LRRK2: variants seen among roughly 807,000 people sequenced by gnomAD.
LRRK2 encodes leucine rich repeat kinase 2.
LRRK2 carries 203 observed loss-of-function variants against 302.6 expected under a neutral mutation model. The ratio of observed to expected loss-of-function variants is 0.67; its 90% CI spans 0.60 to 0.75. The LOEUF is 0.75. LRRK2 is among the 30% of genes least tolerant of loss of function. LRRK2 has a pLI of 0.00. For synonymous variants in LRRK2, 1,066 were observed against 1,031.9 expected, an observed-to-expected ratio of 1.03 and a Z score of -0.63; for missense variants, 2,830 against 2,951.0, an observed-to-expected ratio of 0.96 and a Z score of 0.95.
At chr12:40,294,340 G>A (rs1944296496) in intron 21 of LRRK2, among the ~76,000 whole-genome samples, 1 of 151,968 alleles carries the variant, frequency 6.6e-6, no homozygotes, top group Non-Finnish European at 1.5e-5. Context: ...GAAATTGGGA[G>A]CCACCTTATT....
rs1449373790 is a variant in LRRK2 at position 40,321,149 on chromosome 12, C to T, written c.5131C>T (p.Arg1711Ter). The T allele has an allele frequency of 3.1e-6, 5 of 1,612,276 alleles. No homozygotes were observed. The highest frequency in any genetic ancestry group is 4.2e-6 in the Non-Finnish European group (5 of 1,178,792). ...GGGATTTTGGTCAAGATTAATCAATCGATTACTTGAGATTTCACCTTACAT... is the reference window on the plus strand; with the variant it reads ...GGGATTTTGGTCAAGATTAATCAATTGATTACTTGAGATTTCACCTTACAT... ...PMGFWSRLINRLLEISPYMLS... is the reference protein window; with the variant it reads ...PMGFWSRLIN Residue 1711 changes from arginine (R) to a stop codon, truncating the protein, a stop_gained, in exon 35 of 51, where the codon CGA becomes TGA. Transcript: ENST00000298910. LOFTEE classifies it high-confidence loss of function.
At chr12:40,355,547 C>CTTT (rs112905910) in intron 45 of LRRK2, among the ~76,000 whole-genome samples, 1 of 87,374 alleles carries the variant, frequency 1.1e-5, no homozygotes, top group African/African-American at 4.4e-5. Flanking sequence ...CTTCCTTCTT[C>CTTT]TTTTTTTTTT....
chr12:40,364,367 C>A (rs1186642968), intron 48 of LRRK2, among the ~76,000 whole-genome samples: 2 of 151,904 alleles, frequency 1.3e-5, no homozygotes, highest in Admixed American at 1.3e-4. Context: ...TCTTTTATTT[C>A]TGGACACTTC....
chr12:40,247,963 G>A (rs1373785436), intron 7 of LRRK2, among the ~76,000 whole-genome samples: 1 of 151,834 alleles, frequency 6.6e-6, no homozygotes, highest in African/African-American at 2.4e-5. Context: ...AAATCAGGCT[G>A]AGAACCCAAA....
intron 11 of LRRK2, among the ~76,000 whole-genome samples, 163 bp from the exon 12 acceptor site, chr12:40,257,085 G>T (rs755212446): frequency 2.0e-5 from 3 of 152,110 alleles, no homozygotes; most frequent in South Asian, 2.1e-4. Context: ...GTGTTTTAAA[G>T]AAATAAACAT....
At chr12:40,291,981 G>C (rs1592235116) in intron 20 of LRRK2, among the ~76,000 whole-genome samples, 1 of 152,100 alleles carries the variant, frequency 6.6e-6, no homozygotes, top group Middle Eastern at 3.4e-3. Context: ...TTTGCAGTTA[G>C]TATCATTTTC....
intron 10 of LRRK2, 60 bp from the exon 11 acceptor site, chr12:40,252,850 G>A: frequency 1.8e-6 from 2 of 1,114,712 alleles, no homozygotes; most frequent in Non-Finnish European, 2.7e-6. Flanking sequence ...AATGGCAAGT[G>A]AGAATTTGAG....
intron 41 of LRRK2, among the ~76,000 whole-genome samples, chr12:40,343,257 C>CTCAG (rs58392855): frequency 0.77 from 116,506 of 151,762 alleles, 45,571 homozygotes; most frequent in Non-Finnish European, 0.85. Flanking sequence ...TCAACATTAA[C>CTCAG]TCAGTCAGAT....
In LRRK2 at chr12:40,277,404, A is replaced by G. The variant is rs559031411; in HGVS notation, c.1942-484A>G. Among the ~76,000 whole-genome samples the G allele has an allele frequency of 2.0e-5, 3 of 152,304 alleles. No homozygotes were observed. In the East Asian group the frequency reaches 5.8e-4, roughly 29 times the overall value. ...TAAATGAAATCTAGGAGTCCACACT[A>G]GCCTTTCTGAGATAAACATTTCGGA... On this transcript the variant is annotated intron_variant, in intron 16 of 50. Coordinates refer to ENST00000298910, the MANE Select transcript of LRRK2 (RefSeq NM_198578.4).
intron 42 of LRRK2, among the ~76,000 whole-genome samples, chr12:40,347,788 C>T (rs973804139): frequency 1.3e-5 from 2 of 152,098 alleles, no homozygotes; most frequent in Non-Finnish European, 1.5e-5. Flanking sequence ...CATGGTGAAA[C>T]CCTGTCTCTA....
At chr12:40,282,452 G>C (rs2136650834) in intron 18 of LRRK2, among the ~76,000 whole-genome samples, 1 of 152,150 alleles carries the variant, frequency 6.6e-6, no homozygotes, top group South Asian at 2.1e-4. Context: ...TGTTTGGCCT[G>C]AGAGGTTAGT....
intron 16 of LRRK2, among the ~76,000 whole-genome samples, chr12:40,276,947 C>G (rs924755349): frequency 6.6e-6 from 1 of 151,994 alleles, no homozygotes; most frequent in Non-Finnish European, 1.5e-5. Context: ...CCTGGGTGGG[C>G]TCAAGTGATC....
At position 40,291,300 on chromosome 12, in the gene LRRK2, G is replaced by T. The variant is rs139598283; in HGVS notation, c.2690-2245G>T. Reference sequence around the variant, plus strand: ...GTTGTGGGGTGGGGGGAAGGGGGAGGGATAGCATTAGGAGATACACCTAAT... The same window carrying T: ...GTTGTGGGGTGGGGGGAAGGGGGAGTGATAGCATTAGGAGATACACCTAAT... On this transcript the variant is annotated intron_variant, in intron 20 of 50. Transcript: ENST00000298910. 9.4e-4 allele frequency among the ~76,000 whole-genome samples: 142 copies of T among 151,698 alleles called. 2 individuals carry two copies. The East Asian group carries it at 0.024, about 26-fold the overall frequency.
At chr12:40,308,405 A>G (rs1944910726) in intron 28 of LRRK2, 62 bp from the exon 29 acceptor site, 1 of 1,284,534 alleles carries the variant, frequency 7.8e-7, no homozygotes, top group East Asian at 2.5e-5. Context: ...AAAAGAACTC[A>G]CCTAAATCTC....
intron 19 of LRRK2, among the ~76,000 whole-genome samples, chr12:40,285,099 G>T (rs1943867273): frequency 6.6e-6 from 1 of 151,950 alleles, no homozygotes; most frequent in East Asian, 1.9e-4. Context: ...CTTACTTCCA[G>T]TCTTTTTCCA....
intron 14 of LRRK2, among the ~76,000 whole-genome samples, chr12:40,269,592 C>T (rs967543274): frequency 4.6e-5 from 7 of 152,118 alleles, no homozygotes; most frequent in Non-Finnish European, 1.0e-4. Flanking sequence ...AGAATTGTTA[C>T]TGCAGCTTAA....
chr12:40,260,349 G>A (rs775598804), intron 13 of LRRK2, among the ~76,000 whole-genome samples: 21 of 151,820 alleles, frequency 1.4e-4, no homozygotes, highest in Non-Finnish European at 3.1e-4. Flanking sequence ...TATCGATGGA[G>A]GCACAAATAA....
chr12:40,284,749 G>A lies in LRRK2; in HGVS notation c.2500+616G>A, dbSNP rs182542123. ...TGTTCACACTAAATGTGTTTTTAGC[G>A]TGAAAGCTCCCAGCTTTCCCTGTGT... On this transcript the variant is annotated intron_variant, in intron 19 of 50. Coordinates refer to ENST00000298910, the MANE Select transcript of LRRK2 (RefSeq NM_198578.4). Among the ~76,000 whole-genome samples, 120 of 152,014 alleles carry A rather than the reference G, an allele frequency of 7.9e-4. 1 individual carries two copies. Among genetic ancestry groups the A allele is most frequent in the South Asian group, 6.2e-4 (3 of 4,824 alleles).
chr12:40,341,890 A>G (rs1379476024), intron 41 of LRRK2, among the ~76,000 whole-genome samples: 2 of 152,248 alleles, frequency 1.3e-5, no homozygotes, highest in African/African-American at 4.8e-5. Flanking sequence ...AGAGCCATGA[A>G]TAGCAAATAT....
Sources: allele counts gnomAD v4.1 joint callset (sites outside exome capture counted in the v4.1 genomes callset), GRCh38; gene constraint gnomAD v4.1.1; transcripts MANE v1.5; gene names NCBI Gene and HGNC (gene_info 2026-07-23, HGNC 2026-07-21).